ASTN2: variants seen among roughly 807,000 people sequenced by gnomAD.
The protein encoded by ASTN2 is astrotactin-2.
Under a neutral mutation model 139.8 loss-of-function variants are expected in ASTN2, and 54 were observed. The ratio of observed to expected loss-of-function variants is 0.39; its 90% CI spans 0.31 to 0.48. The LOEUF (loss-of-function observed/expected upper bound fraction) is 0.48, where lower values mean the gene tolerates loss of function less well. Ranked by LOEUF, ASTN2 falls within the 20% of genes least tolerant of loss-of-function variation. ASTN2 has a pLI of 0.95. For missense variants in ASTN2, 1,565 were observed against 1,725.1 expected (o/e 0.91, Z 1.64); for synonymous variants, 756 against 719.5 (o/e 1.05, Z -0.81).
intron 16 of ASTN2, among the ~76,000 whole-genome samples, chr9:116,717,959 C>A (rs1210518643): frequency 6.6e-6 from 1 of 152,234 alleles, no homozygotes; most frequent in Non-Finnish European, 1.5e-5. Context: ...TTATTGAATG[C>A]TATCAATATG....
At chr9:116,856,262 C>T (rs1832737746) in intron 11 of ASTN2, among the ~76,000 whole-genome samples, 1 of 152,170 alleles carries the variant, frequency 6.6e-6, no homozygotes. Context: ...GGCTGATCTA[C>T]AGGGATAAAT....
rs77908161 is a variant in ASTN2, at chr9:117,403,470, C to G, written c.442+11027G>C. Among the ~76,000 whole-genome samples the G allele has an allele frequency of 6.5e-3, 996 of 152,286 alleles. 15 individuals are homozygous for G. The highest frequency in any genetic ancestry group is 0.023 in the African/African-American group (961 of 41,542). On this transcript the variant is annotated intron_variant, in intron 1 of 22. Transcript: ENST00000313400. ...TAGTCACCCTGTCTGGCACCTGGCT[C>G]TAATTTGGTGCTATCTCCCAGCTCT...
At chr9:116,620,483 CA>C (rs764453273) in intron 17 of ASTN2, 40 bp from the exon 18 acceptor site, 135 of 1,612,788 alleles carry the variant, frequency 8.4e-5, no homozygotes, top group Non-Finnish European at 1.1e-4. Flanking sequence ...ATGATGACAA[CA>C]GGGGAGAGAT....
At chr9:116,902,942 A>C (rs932485303) in intron 10 of ASTN2, among the ~76,000 whole-genome samples, 3 of 152,144 alleles carry the variant, frequency 2.0e-5, no homozygotes, top group Non-Finnish European at 4.4e-5. Flanking sequence ...GTAGGATCTG[A>C]CCATCCATTA....
At position 116,725,884 on chromosome 9, in the gene ASTN2, T is replaced by C. The variant is rs1374978073; in HGVS notation, c.2693A>G (p.Gln898Arg). 1.2e-6 allele frequency: 2 copies of C among 1,614,084 alleles called. No homozygotes were observed. Among genetic ancestry groups the C allele is most frequent in the Admixed American group, 3.3e-5 (2 of 60,020 alleles). ...TGCGATGTAGTGGGAGCCATAGTGC[T>C]GGATGAAGGACAGCAGCTCCTCCCG... is the stretch of plus-strand genomic sequence containing the variant. The part of the protein sequence containing the change: ...SSREELLSFI[Q>R]HYGSHYIAEA... The change falls in exon 16 of 23, where the codon CAG becomes CGG. Residue 898 changes from glutamine to arginine, a missense_variant. Gln to Arg is a conservative substitution (Grantham distance 43). Coordinates refer to ENST00000313400, the MANE Select transcript of ASTN2 (RefSeq NM_001365068.1).
chr9:116,850,099 G>A (rs1001078207), intron 11 of ASTN2, among the ~76,000 whole-genome samples: 10 of 152,164 alleles, frequency 6.6e-5, no homozygotes, highest in East Asian at 5.8e-4. Context: ...GGGGACGGAC[G>A]TGGGTGGAAG....
At chr9:116,914,573 T>TTATA (rs1467500203) in intron 10 of ASTN2, among the ~76,000 whole-genome samples, 1 of 123,076 alleles carries the variant, frequency 8.1e-6, no homozygotes, top group South Asian at 2.3e-4. Flanking sequence ...TTATTATTAT[T>TTATA]TATATATATT....
At chr9:117,257,733 C>T (rs1467429820) in intron 2 of ASTN2, among the ~76,000 whole-genome samples, 1 of 152,198 alleles carries the variant, frequency 6.6e-6, no homozygotes, top group Non-Finnish European at 1.5e-5. Flanking sequence ...ATATATACCT[C>T]TCTCCATTCC....
chr9:117,296,728 A>G (rs900559881), intron 1 of ASTN2, among the ~76,000 whole-genome samples: 3 of 152,240 alleles, frequency 2.0e-5, no homozygotes, highest in Non-Finnish European at 2.9e-5. Flanking sequence ...TTTTGGCAGT[A>G]GGCTGACTCC....
At chr9:117,251,210 C>A (rs1029938208) in intron 2 of ASTN2, among the ~76,000 whole-genome samples, 1 of 152,132 alleles carries the variant, frequency 6.6e-6, no homozygotes, top group African/African-American at 2.4e-5. Flanking sequence ...CTCTGTCCCT[C>A]TGCCTGGAGC....
At chr9:117,300,345 C>T (rs1453483063) in intron 1 of ASTN2, among the ~76,000 whole-genome samples, 4 of 152,294 alleles carry the variant, frequency 2.6e-5, no homozygotes, top group East Asian at 3.9e-4. Context: ...TAGTAGAAGG[C>T]GATGCCTGTC....
At chr9:116,612,644 C>T (rs886506636) in intron 19 of ASTN2, 4 of 152,094 alleles carry the variant, frequency 2.6e-5, no homozygotes, top group Admixed American at 6.5e-5. Flanking sequence ...GAAATGAAAG[C>T]GGAAATAAAG....
chr9:116,555,172 T>A (rs971437658), intron 19 of ASTN2, among the ~76,000 whole-genome samples: 3 of 152,192 alleles, frequency 2.0e-5, no homozygotes, highest in Non-Finnish European at 4.4e-5. Context: ...CTGAAAAGGC[T>A]AAAGTGCCCT....
At chr9:116,532,314 T>C (rs529164404) in intron 19 of ASTN2, among the ~76,000 whole-genome samples, 1,982 of 152,308 alleles carry the variant, frequency 0.013, 36 homozygotes, top group African/African-American at 0.045. Context: ...TGTAGGTTGC[T>C]TGTTCACTCT....
At chr9:117,410,919 G>A (rs1831140262) in intron 1 of ASTN2, among the ~76,000 whole-genome samples, 1 of 152,152 alleles carries the variant, frequency 6.6e-6, no homozygotes. Flanking sequence ...AGCTCACCAA[G>A]GTAGCTGAAG....
intron 5 of ASTN2, among the ~76,000 whole-genome samples, chr9:117,048,177 G>T (rs575133050): frequency 2.6e-5 from 4 of 152,266 alleles, no homozygotes; most frequent in Non-Finnish European, 5.9e-5. Flanking sequence ...AAATTTAACT[G>T]CTGAGCTGCT....
At chr9:117,314,794 TATATA>T (rs1587939443) in intron 1 of ASTN2, among the ~76,000 whole-genome samples, 1 of 145,700 alleles carries the variant, frequency 6.9e-6, no homozygotes, top group East Asian at 2.0e-4. Context: ...ATATATAAAT[TATATA>T]ATATACTATA....
At chr9:116,879,366 G>A (rs899222704) in intron 10 of ASTN2, among the ~76,000 whole-genome samples, 1 of 151,892 alleles carries the variant, frequency 6.6e-6, no homozygotes, top group African/African-American at 2.4e-5. Context: ...CAGACAGACA[G>A]ACAGACAGAC....
intron 3 of ASTN2, among the ~76,000 whole-genome samples, chr9:117,183,163 T>C (rs2132950536): frequency 6.6e-6 from 1 of 152,254 alleles, no homozygotes; most frequent in East Asian, 1.9e-4. Flanking sequence ...TTAGTAATTG[T>C]GTGATAAGTT....
Sources: allele counts gnomAD v4.1 joint callset (sites outside exome capture counted in the v4.1 genomes callset), GRCh38; gene constraint gnomAD v4.1.1; transcripts MANE v1.5; gene names NCBI Gene and HGNC (gene_info 2026-07-23, HGNC 2026-07-21).